Variants in FGD4 observed in about 807,000 individuals in gnomAD.
FGD4 encodes FYVE, RhoGEF and PH domain containing 4, also known as FYVE, RhoGEF and PH domain-containing protein 4.
Under a neutral mutation model 102.0 loss-of-function variants are expected in FGD4, and 42 were observed. The ratio of observed to expected loss-of-function variants is 0.41; its 90% CI spans 0.32 to 0.53. The LOEUF (loss-of-function observed/expected upper bound fraction) is 0.53. FGD4 is among the 20% of genes least tolerant of loss of function. FGD4 has a pLI of 0.21. For missense variants in FGD4, 902 were observed against 1,078.2 expected, an observed-to-expected ratio of 0.84 and a Z score of 2.29; for synonymous variants, 380 against 375.7, an observed-to-expected ratio of 1.01 and a Z score of -0.13.
chr12:32,561,028 A>G, intron 1 of FGD4, among the ~76,000 whole-genome samples: 1 of 148,580 alleles, frequency 6.7e-6, no homozygotes. Flanking sequence ...AATTTTAAGG[A>G]GAGCAACAGA....
chr12:32,497,176 C>A (rs986652296), intron 1 of FGD4, among the ~76,000 whole-genome samples: 8 of 152,134 alleles, frequency 5.3e-5, no homozygotes, highest in African/African-American at 1.7e-4. Context: ...AAATGCTAAC[C>A]ACATGAGAGG....
chr12:32,591,809 A>G (rs1045376257), intron 4 of FGD4, among the ~76,000 whole-genome samples: 7 of 152,234 alleles, frequency 4.6e-5, no homozygotes, highest in African/African-American at 1.7e-4. Flanking sequence ...ACTAACAACC[A>G]GGCCGAACCT....
chr12:32,461,592 A>G (rs1456528727), intron 1 of FGD4, among the ~76,000 whole-genome samples: 1 of 152,160 alleles, frequency 6.6e-6, no homozygotes, highest in Non-Finnish European at 1.5e-5. Flanking sequence ...CTTAAAGCAA[A>G]CAGAAGAAGG....
intron 14 of FGD4, among the ~76,000 whole-genome samples, chr12:32,628,749 G>A (rs1950325539): frequency 6.6e-6 from 1 of 152,114 alleles, no homozygotes; most frequent in Admixed American, 6.5e-5. Context: ...TTGCGCCATT[G>A]CACTCCAGCC....
intron 8 of FGD4, 126 bp from the exon 9 acceptor site, chr12:32,610,649 AT>A (rs1949079979): frequency 2.5e-6 from 2 of 795,790 alleles, no homozygotes; most frequent in African/African-American, 3.5e-5. Context: ...CCGTTTATAA[AT>A]GGAAAATGCC....
At chr12:32,531,688 G>A (rs139235871) in intron 1 of FGD4, among the ~76,000 whole-genome samples, 180 of 152,240 alleles carry the variant, frequency 1.2e-3, no homozygotes, top group African/African-American at 4.2e-3. Context: ...AGAACAAGTG[G>A]GTATTTCTAG....
chr12:32,624,437 A>G lies in FGD4; in HGVS notation c.1938A>G (p.Lys646=). The change falls in exon 12 of 17, where the codon AAA becomes AAG. Residue 646 remains lysine, a synonymous_variant. Transcript: ENST00000534526. ...TTTATTTTAGTTCTGCGCAAGACAA[A>G]GAAGAATGGATCAAGGTAAGCCTCA... ...LELQASSAQD[K]EEWIKALQET... 6.2e-7 allele frequency: 1 copy of G among 1,602,670 alleles called. No homozygotes were observed. Among genetic ancestry groups the G allele is most frequent in the Non-Finnish European group, 8.5e-7 (1 of 1,171,574 alleles).
At chr12:32,572,233 G>A (rs929200253) in intron 2 of FGD4, among the ~76,000 whole-genome samples, 57 of 152,140 alleles carry the variant, frequency 3.7e-4, no homozygotes, top group African/African-American at 1.3e-3. Context: ...TTCTGCAGTT[G>A]TTCATATCCT....
At chr12:32,480,157 T>G (rs995937106) in intron 1 of FGD4, among the ~76,000 whole-genome samples, 18 of 144,746 alleles carry the variant, frequency 1.2e-4, no homozygotes, top group Non-Finnish European at 2.3e-4. Context: ...TTTGTGGGGG[T>G]TTTTTTTGTT....
In FGD4 at chr12:32,644,216, A is replaced by G. The variant is rs1010713241; in HGVS notation, c.*3683A>G. 3 of 152,140 alleles carry G rather than the reference A, an allele frequency of 2.0e-5. No homozygotes were observed. The highest frequency in any genetic ancestry group is 2.0e-4 in the Admixed American group (3 of 15,270). 9.4% of individuals were successfully genotyped at this position (152,140 alleles called of 1,614,324 possible). On this transcript the variant is annotated 3_prime_UTR_variant, in exon 17 of 17. Transcript: ENST00000534526. Reference sequence around the variant, plus strand: ...TATGAACTGTGGCCAACCAGTTCCTATTCTTCAGACTGTATTGACATCTGT... The same window carrying G: ...TATGAACTGTGGCCAACCAGTTCCTGTTCTTCAGACTGTATTGACATCTGT...
chr12:32,611,119 G>C lies in FGD4; in HGVS notation c.1603-18G>C. ...TTGAAACCTGCCTGTATGTGATCTT[G>C]CTGTTTTAATTTCCTAGGAGAACCT... On this transcript the variant is annotated intron_variant, in intron 9 of 16. Coordinates refer to ENST00000534526, the MANE Select transcript of FGD4 (RefSeq NM_001370298.3). The C allele has an allele frequency of 6.2e-7, 1 of 1,613,916 alleles. No individual in the cohort carries two copies. The highest frequency in any genetic ancestry group is 1.7e-5 in the Admixed American group (1 of 60,008).
intron 2 of FGD4, among the ~76,000 whole-genome samples, chr12:32,570,220 G>A (rs1455783056): frequency 2.1e-4 from 29 of 137,632 alleles, no homozygotes; most frequent in Admixed American, 1.9e-3. Context: ...CAGCCTGGGC[G>A]ATGGGGCAAG....
intron 1 of FGD4, among the ~76,000 whole-genome samples, chr12:32,403,491 G>A (rs1164029588): frequency 6.6e-6 from 1 of 152,096 alleles, no homozygotes; most frequent in Non-Finnish European, 1.5e-5. Flanking sequence ...TACTTGGGAG[G>A]CTGAGGCAGG....
chr12:32,473,389 C>T (rs1286233878), intron 1 of FGD4, among the ~76,000 whole-genome samples: 1 of 152,056 alleles, frequency 6.6e-6, no homozygotes, highest in East Asian at 1.9e-4. Flanking sequence ...CTCCTGAGTC[C>T]AGCGAGCCCA....
chr12:32,474,444 A>C (rs1190708560), intron 1 of FGD4, among the ~76,000 whole-genome samples: 1 of 152,222 alleles, frequency 6.6e-6, no homozygotes, highest in Non-Finnish European at 1.5e-5. Context: ...TACCTACAAC[A>C]TGGATGAATC....
chr12:32,507,435 G>A (rs1006407143), intron 1 of FGD4, among the ~76,000 whole-genome samples: 3 of 152,164 alleles, frequency 2.0e-5, no homozygotes, highest in African/African-American at 7.2e-5. Context: ...CCAGCCACGT[G>A]TAATCTGGTG....
intron 2 of FGD4, 63 bp from the exon 3 acceptor site, chr12:32,576,203 A>G (rs1054809800): frequency 6.6e-6 from 10 of 1,511,642 alleles, no homozygotes; most frequent in East Asian, 2.5e-5. Context: ...CCAGGACACC[A>G]GAATTTTTAT....
intron 1 of FGD4, among the ~76,000 whole-genome samples, chr12:32,454,755 G>C (rs1039574444): frequency 6.6e-6 from 1 of 152,126 alleles, no homozygotes; most frequent in Non-Finnish European, 1.5e-5. Context: ...ATATTTTGCT[G>C]GTATCTTAAA....
chr12:32,562,956 G>A (rs963490067), intron 1 of FGD4, among the ~76,000 whole-genome samples: 8 of 152,136 alleles, frequency 5.3e-5, no homozygotes, highest in African/African-American at 1.7e-4. Context: ...GTGGTGGCCG[G>A]GCAGAGGGGC....
Sources: allele counts gnomAD v4.1 joint callset (sites outside exome capture counted in the v4.1 genomes callset), GRCh38; gene constraint gnomAD v4.1.1; transcripts MANE v1.5; gene names NCBI Gene and HGNC (gene_info 2026-07-23, HGNC 2026-07-21).